The following TRDN variants were observed in gnomAD, a reference collection of about 807,000 sequenced individuals.
The protein encoded by TRDN is triadin, also known as triadin in skeletal muscle.
Under a neutral mutation model 149.7 loss-of-function variants are expected in TRDN, and 161 were observed. The observed-to-expected ratio is 1.08, with a 90% confidence interval of 0.95 to 1.23. TRDN has a LOEUF of 1.23. TRDN is among the 50% of genes most tolerant of loss of function. The pLI, the probability that TRDN is intolerant of heterozygous loss-of-function variation, is 0.00. For synonymous variants in TRDN, 294 were observed against 250.5 expected (o/e 1.17, Z -1.64); for missense variants, 896 against 823.5 (o/e 1.09, Z -1.08).
chr6:123,517,742 G>A (rs1055042709), intron 5 of TRDN, among the ~76,000 whole-genome samples: 19 of 151,504 alleles, frequency 1.3e-4, no homozygotes, highest in South Asian at 2.1e-4. Context: ...ACATTCATTC[G>A]TTTTCCTTTC....
At chr6:123,437,957 T>G in intron 12 of TRDN, 106 bp downstream of exon 12, 1 of 964,864 alleles carries the variant, frequency 1.0e-6, no homozygotes. Context: ...ACGTCTTGGG[T>G]AGATATAAGT....
intron 4 of TRDN, among the ~76,000 whole-genome samples, chr6:123,546,926 C>G (rs1185885006): frequency 2.0e-5 from 3 of 151,772 alleles, no homozygotes; most frequent in African/African-American, 7.3e-5. Flanking sequence ...ATAGTCATCA[C>G]CTAACATGCA....
chr6:123,547,856 G>A (rs910119216), intron 3 of TRDN, among the ~76,000 whole-genome samples: 1 of 151,900 alleles, frequency 6.6e-6, no homozygotes, highest in Non-Finnish European at 1.5e-5. Context: ...GCTTTTATGT[G>A]GTTTGAGATG....
intron 39 of TRDN, 129 bp from the exon 40 acceptor site, chr6:123,221,651 T>C (rs1775152549): frequency 2.1e-6 from 1 of 472,072 alleles, no homozygotes; most frequent in African/African-American, 2.0e-5. Flanking sequence ...TTTTATAGTA[T>C]ACTCCAGATT....
chr6:123,438,341 A>T (rs773032045), intron 11 of TRDN, among the ~76,000 whole-genome samples: 39 of 147,472 alleles, frequency 2.6e-4, no homozygotes, highest in Non-Finnish European at 5.2e-4. Context: ...TTTTTTTGCC[A>T]AAGGCAAAAA....
chr6:123,600,126 C>T (rs1784214914), intron 1 of TRDN, among the ~76,000 whole-genome samples: 1 of 151,930 alleles, frequency 6.6e-6, no homozygotes, highest in African/African-American at 2.4e-5. Flanking sequence ...CCACATGATG[C>T]CTTTTATGGA....
rs150412658 is a variant in TRDN at position 123,497,220 on chromosome 6, T to C, written c.826A>G (p.Ile276Val). 9.6e-6 allele frequency: 15 copies of C among 1,559,626 alleles called. No homozygotes were observed. Among genetic ancestry groups the C allele is most frequent in the Middle Eastern group, 1.7e-4 (1 of 5,940 alleles). The change falls in exon 9 of 41, where the codon ATA (isoleucine) becomes GTA (valine). Residue 276 changes from isoleucine to valine, a missense_variant. Coordinates refer to ENST00000334268, the MANE Select transcript of TRDN (RefSeq NM_006073.4). ...QYAFCRYMID[I>V]FVHGDLKPGQ... is the part of the protein sequence containing the mutation. ...GGTTTTAAATCCCCATGGACAAATA[T>C]GTCAATCATATATCGACAGAATGCA...
chr6:123,320,149 T>C (rs1365354605), intron 23 of TRDN, among the ~76,000 whole-genome samples: 1 of 151,988 alleles, frequency 6.6e-6, no homozygotes, highest in African/African-American at 2.4e-5. Flanking sequence ...ATTTATTTTG[T>C]TATTATCACG....
At chr6:123,624,253 G>C (rs563126519) in intron 1 of TRDN, among the ~76,000 whole-genome samples, 3 of 151,956 alleles carry the variant, frequency 2.0e-5, no homozygotes, top group Admixed American at 1.3e-4. Flanking sequence ...AAAGCACCTG[G>C]GTATTGAGAG....
chr6:123,613,362 G>A (rs984124462), intron 1 of TRDN, among the ~76,000 whole-genome samples: 5 of 152,072 alleles, frequency 3.3e-5, no homozygotes, highest in South Asian at 2.1e-4. Flanking sequence ...ATATTTGCAC[G>A]TTTTATGTTT....
At chr6:123,457,208 G>A (rs939757800) in intron 10 of TRDN, among the ~76,000 whole-genome samples, 1 of 152,092 alleles carries the variant, frequency 6.6e-6, no homozygotes, top group African/African-American at 2.4e-5. Flanking sequence ...CAGGAAACTG[G>A]CCCTGATCTC....
At chr6:123,509,001 TAAA>T (rs1388914320) in intron 7 of TRDN, among the ~76,000 whole-genome samples, 1 of 151,994 alleles carries the variant, frequency 6.6e-6, no homozygotes, top group Non-Finnish European at 1.5e-5. Context: ...AAAATAAAAA[TAAA>T]AAGCATATAC....
At chr6:123,315,374 GT>G (rs1466130139) in intron 24 of TRDN, among the ~76,000 whole-genome samples, 1 of 151,640 alleles carries the variant, frequency 6.6e-6, no homozygotes, top group Non-Finnish European at 1.5e-5. Flanking sequence ...AAGAATGCAT[GT>G]TTTAAAATTA....
At chr6:123,445,141 A>G (rs1775235174) in intron 10 of TRDN, 1 of 151,552 alleles carries the variant, frequency 6.6e-6, no homozygotes, top group South Asian at 2.1e-4. Flanking sequence ...CTGTGAATCC[A>G]TCTGGTCCTG....
rs143650715 is a variant in TRDN, at chr6:123,295,613, C to T, written c.1511-16531G>A. On this transcript the variant is annotated intron_variant, in intron 24 of 40. Transcript: ENST00000334268. ...GGTATCTTAATTAAGTTGATTGACT[C>T]TTTCTACAATGCATCCATAAATCAG... Among the ~76,000 whole-genome samples, 431 of 152,182 alleles carry T rather than the reference C, an allele frequency of 2.8e-3. 3 individuals carry two copies. Among genetic ancestry groups the T allele is most frequent in the African/African-American group, 9.8e-3 (408 of 41,530 alleles).
At position 123,404,735 on chromosome 6, in the gene TRDN, G is replaced by T. The variant is rs1562297302; in HGVS notation, c.1052-11058C>A. 2.0e-5 allele frequency among the ~76,000 whole-genome samples: 3 copies of T among 152,330 alleles called. No individual in the cohort carries two copies. In the South Asian group the frequency reaches 6.2e-4, roughly 32 times the overall value. Reference sequence around the variant, plus strand: ...GCTGGGATTACAGGCGTGAGCCACTGCGCCTCCCATGGACTGTTCTTTAGT... The same window carrying T: ...GCTGGGATTACAGGCGTGAGCCACTTCGCCTCCCATGGACTGTTCTTTAGT... On this transcript the variant is annotated intron_variant, in intron 12 of 40. Transcript: ENST00000334268.
intron 23 of TRDN, among the ~76,000 whole-genome samples, chr6:123,328,748 T>C (rs1779557534): frequency 6.6e-6 from 1 of 152,142 alleles, no homozygotes; most frequent in South Asian, 2.1e-4. Context: ...CGGCAACTGT[T>C]TTTCACCTTC....
At chr6:123,350,561 T>A (rs750240518) in intron 21 of TRDN, 3 of 692,840 alleles carry the variant, frequency 4.3e-6, no homozygotes, top group Non-Finnish European at 5.3e-6. Context: ...TATGCATAAC[T>A]ATTAGAATAT....
intron 10 of TRDN, among the ~76,000 whole-genome samples, chr6:123,449,105 C>A (rs1258652141): frequency 3.3e-5 from 5 of 152,094 alleles, no homozygotes; most frequent in African/African-American, 9.7e-5. Context: ...TCTGACAGAG[C>A]CTACCCAAAT....
Sources: allele counts gnomAD v4.1 joint callset (sites outside exome capture counted in the v4.1 genomes callset), GRCh38; gene constraint gnomAD v4.1.1; transcripts MANE v1.5; gene names NCBI Gene and HGNC (gene_info 2026-07-23, HGNC 2026-07-21).